The following ZNF25 variants were observed in gnomAD, a reference collection of about 807,000 sequenced individuals.
ZNF25 encodes the protein zinc finger protein 25 (KOX 19).
A neutral mutation model predicts 30.9 loss-of-function variants in ZNF25; 21 were observed. The ratio of observed to expected loss-of-function variants is 0.68; its 90% CI spans 0.48 to 0.98. The LOEUF is 0.98. Ranked by LOEUF, ZNF25 falls within the 50% of genes least tolerant of loss-of-function variation. The pLI is 0.00. For missense variants in ZNF25, 501 were observed against 529.9 expected (o/e 0.95, Z 0.54); for synonymous variants, 169 against 181.3 (o/e 0.93, Z 0.55).
chr10:37,957,112 T>C lies in ZNF25; in HGVS notation c.146A>G (p.Tyr49Cys). ...GACTGCATTTGGCTTATTCACATGG[T>C]AACCTATGAATGGAAAATATCAAGG... ...ENYSHLVSVG[Y>C]HVNKPNAVFK... The change falls in exon 4 of 6, where the codon TAC (tyrosine) becomes TGC (cysteine). Residue 49 changes from tyrosine to cysteine, a missense_variant. By Grantham distance (194) the Tyr-to-Cys change is radical. Coordinates refer to ENST00000302609, the MANE Select transcript of ZNF25 (RefSeq NM_145011.4). 1.2e-6 allele frequency: 2 copies of C among 1,613,348 alleles called. No homozygotes were observed.
intron 4 of ZNF25, among the ~76,000 whole-genome samples, chr10:37,955,267 A>G (rs2062448317): frequency 6.6e-6 from 1 of 152,206 alleles, no homozygotes. Context: ...AGAGGGCCAG[A>G]CTAGTTCCTG....
At chr10:37,974,778 G>C (rs558359319) in intron 1 of ZNF25, among the ~76,000 whole-genome samples, 1 of 152,018 alleles carries the variant, frequency 6.6e-6, no homozygotes, top group East Asian at 1.9e-4. Context: ...TCCAAAAGAA[G>C]GGAAATCCGT....
In ZNF25 at chr10:37,962,449, C is replaced by T. The variant is rs1779067; in HGVS notation, c.16-4903G>A. 6.6e-3 allele frequency among the ~76,000 whole-genome samples: 1,007 copies of T among 152,178 alleles called. 27 individuals are homozygous for T. In the East Asian group the frequency reaches 0.071, roughly 11 times the overall value. On this transcript the variant is annotated intron_variant, in intron 2 of 5. Coordinates refer to ENST00000302609, the MANE Select transcript of ZNF25 (RefSeq NM_145011.4). ...TTTTCATCAAATATTCACTGAAAGA[C>T]CATTTTCTGGGCCAGAAAAATATCT... is the stretch of plus-strand genomic sequence containing the variant.
chr10:37,971,666 C>T, intron 2 of ZNF25, 42 bp downstream of exon 2: 1 of 1,577,506 alleles, frequency 6.3e-7, no homozygotes, highest in Non-Finnish European at 8.7e-7. Flanking sequence ...CACACACACA[C>T]ACACACAGTG....
chr10:37,953,509 T>A (rs769001550), intron 5 of ZNF25, 186 bp downstream of exon 5: 25 of 633,230 alleles, frequency 3.9e-5, no homozygotes, highest in Non-Finnish European at 6.3e-5. Context: ...AAAGTTTCAA[T>A]CTCCCGATCC....
chr10:37,949,695 G>A lies in ZNF25; in HGVS notation c.*2432C>T, dbSNP rs1382855136. 6.6e-6 allele frequency: 1 copy of A among 152,406 alleles called. No individual in the cohort carries two copies. Among genetic ancestry groups the A allele is most frequent in the African/African-American group, 2.4e-5 (1 of 41,468 alleles). 9.4% of individuals were successfully genotyped at this position (152,406 alleles called of 1,614,324 possible). ...TAGATTACTAGTAATGTAGCTGATG[G>A]AATTGGGTATTGTAAGTTTTTTGTT... On this transcript the variant is annotated 3_prime_UTR_variant, in exon 6 of 6. Coordinates refer to ENST00000302609, the MANE Select transcript of ZNF25 (RefSeq NM_145011.4).
rs530389163 is a variant in ZNF25, at chr10:37,962,311, C to G, written c.16-4765G>C. On this transcript the variant is annotated intron_variant, in intron 2 of 5. Coordinates refer to ENST00000302609, the MANE Select transcript of ZNF25 (RefSeq NM_145011.4). ...ATTCTCATATAGCCTTAACAGGAAA[C>G]TAGAAAATTTAAAACGGACTGCTTA... is the stretch of plus-strand genomic sequence containing the variant. Among the ~76,000 whole-genome samples, 19 of 150,806 alleles carry G rather than the reference C, an allele frequency of 1.3e-4. No homozygotes were observed. In the South Asian group the frequency reaches 2.5e-3, roughly 20 times the overall value.
intron 2 of ZNF25, among the ~76,000 whole-genome samples, chr10:37,966,780 C>T (rs185524912): frequency 2.0e-4 from 31 of 151,974 alleles, no homozygotes; most frequent in African/African-American, 7.0e-4. Flanking sequence ...AACCATATCA[C>T]GGAGGAATTA....
intron 2 of ZNF25, among the ~76,000 whole-genome samples, chr10:37,962,969 G>A (rs117275383): frequency 6.6e-6 from 1 of 151,820 alleles, no homozygotes; most frequent in East Asian, 1.9e-4. Flanking sequence ...TGGTGACTTA[G>A]GGAGCTCTAA....
intron 2 of ZNF25, among the ~76,000 whole-genome samples, chr10:37,965,505 G>A (rs1196993830): frequency 1.3e-5 from 2 of 152,156 alleles, no homozygotes; most frequent in African/African-American, 4.8e-5. Flanking sequence ...AGTGCTGAAA[G>A]AAAAGAATTC....
At chr10:37,974,296 G>A (rs2135464055) in intron 1 of ZNF25, among the ~76,000 whole-genome samples, 1 of 152,186 alleles carries the variant, frequency 6.6e-6, no homozygotes, top group Non-Finnish European at 1.5e-5. Context: ...AAACGAAAAA[G>A]TTTCAGCACA....
chr10:37,970,312 A>T (rs1452156812), intron 2 of ZNF25, among the ~76,000 whole-genome samples: 1 of 152,230 alleles, frequency 6.6e-6, no homozygotes. Context: ...TGCAAGGTTG[A>T]TTCCACATTT....
intron 2 of ZNF25, among the ~76,000 whole-genome samples, chr10:37,959,475 C>T (rs2062725307): frequency 6.6e-6 from 1 of 152,096 alleles, no homozygotes. Flanking sequence ...TTCATTCCTT[C>T]ACTTTTATTG....
Position 37,952,125 on chromosome 10 carries a change from T to A in ZNF25, c.*2A>T. On this transcript the variant is annotated 3_prime_UTR_variant, in exon 6 of 6. Transcript: ENST00000302609. Reference sequence around the variant, plus strand: ...TCAGTCAAGAGAATTTCCCAACTCATCTTACTTCTCAGCATTCCTCTTCTT... The same window carrying A: ...TCAGTCAAGAGAATTTCCCAACTCAACTTACTTCTCAGCATTCCTCTTCTT... 1 of 1,549,068 alleles carries A rather than the reference T, an allele frequency of 6.5e-7. No individual in the cohort carries two copies. The highest frequency in any genetic ancestry group is 2.3e-5 in the East Asian group (1 of 44,274).
intron 4 of ZNF25, among the ~76,000 whole-genome samples, chr10:37,956,533 G>A (rs1247934148): frequency 1.3e-5 from 2 of 152,148 alleles, no homozygotes; most frequent in African/African-American, 4.8e-5. Context: ...TTTAAGTGGA[G>A]AGAACAAAAA....
intron 1 of ZNF25, among the ~76,000 whole-genome samples, chr10:37,973,194 T>C (rs1590345189): frequency 1.3e-5 from 2 of 151,776 alleles, no homozygotes; most frequent in Middle Eastern, 6.9e-3. Context: ...TCAGTAGCAT[T>C]TCCATACACC....
chr10:37,967,354 T>A lies in ZNF25; in HGVS notation c.15+4354A>T, dbSNP rs547494486. ...TGAGGTACTGGCATAAGGACAGACA[T>A]ACAATCTAATGGGATAGAACTGAGT... is the stretch of plus-strand genomic sequence containing the variant. On this transcript the variant is annotated intron_variant, in intron 2 of 5. Coordinates refer to ENST00000302609, the MANE Select transcript of ZNF25 (RefSeq NM_145011.4). Among the ~76,000 whole-genome samples the A allele has an allele frequency of 5.3e-5, 8 of 152,130 alleles. No homozygotes were observed. The South Asian group carries it at 1.2e-3, about 24-fold the overall frequency.
At chr10:37,955,212 A>T (rs1307287532) in intron 4 of ZNF25, among the ~76,000 whole-genome samples, 1 of 152,192 alleles carries the variant, frequency 6.6e-6, no homozygotes, top group Non-Finnish European at 1.5e-5. Flanking sequence ...ATGGAGATTA[A>T]CAGGTGTTTG....
At chr10:37,954,996 A>C (rs998655307) in intron 4 of ZNF25, among the ~76,000 whole-genome samples, 1 of 152,192 alleles carries the variant, frequency 6.6e-6, no homozygotes, top group African/African-American at 2.4e-5. Context: ...TCTACTAAAA[A>C]TACAAAAATT....
Sources: gnomAD v4.1 joint callset for allele counts (sites outside exome capture counted in the v4.1 genomes callset) on GRCh38, gnomAD v4.1.1 for gene constraint, MANE v1.5 for transcripts, NCBI Gene and HGNC (gene_info 2026-07-23, HGNC 2026-07-21) for gene names.